Variants in PCDHGA5 observed in about 807,000 individuals in gnomAD.
The protein encoded by PCDHGA5 is protocadherin gamma subfamily A, 5.
Under a neutral mutation model 56.7 loss-of-function variants are expected in PCDHGA5, and 36 were observed. The observed-to-expected ratio is 0.64, with a 90% CI of 0.49 to 0.84. The LOEUF is 0.84. Ranked by LOEUF, PCDHGA5 falls within the 40% of genes least tolerant of loss-of-function variation. PCDHGA5 has a pLI of 0.00. For synonymous variants in PCDHGA5, 563 were observed against 520.2 expected, an observed-to-expected ratio of 1.08 and a Z score of -1.12; for missense variants, 1,305 against 1,201.5, an observed-to-expected ratio of 1.09 and a Z score of -1.27.
chr5:141,382,729 A>G, intron 1 of PCDHGA5: 1 of 548,650 alleles, frequency 1.8e-6, no homozygotes, highest in Non-Finnish European at 3.1e-6. Flanking sequence ...GTTTTACAGC[A>G]CAGAGAAACG....
In PCDHGA5 at chr5:141,403,112, C is replaced by CT. The variant is rs765071462; in HGVS notation, c.2421+36362dup. The CT allele has an allele frequency of 3.1e-6, 5 of 1,614,074 alleles. No individual in the cohort carries two copies. In the South Asian group the frequency reaches 5.5e-5, roughly 18 times the overall value. On this transcript the variant is annotated intron_variant, in intron 1 of 3. Transcript: ENST00000518069. Reference sequence around the variant, plus strand: ...GGGCAACATCTCCAAGGACCTGGCTCTGGAGCCCCGGGAGCTGGCGGAGCG... The same window carrying CT: ...GGGCAACATCTCCAAGGACCTGGCTCTTGGAGCCCCGGGAGCTGGCGGAGCG...
At chr5:141,450,134 G>A (rs1267554616) in intron 1 of PCDHGA5, among the ~76,000 whole-genome samples, 1 of 151,424 alleles carries the variant, frequency 6.6e-6, no homozygotes, top group East Asian at 2.0e-4. Context: ...AGCCTCCTGA[G>A]TAGCTGGGAC....
At chr5:141,438,334 A>G (rs756299924) in intron 1 of PCDHGA5, among the ~76,000 whole-genome samples, 6 of 151,946 alleles carry the variant, frequency 3.9e-5, no homozygotes, top group Non-Finnish European at 7.4e-5. Context: ...TATACATGTC[A>G]TATAAGGATC....
chr5:141,372,646 C>T, intron 1 of PCDHGA5: 1 of 1,614,008 alleles, frequency 6.2e-7, no homozygotes, highest in Middle Eastern at 1.6e-4. Context: ...TTGCCTTATT[C>T]CTACAATCCG....
rs1221295650 is a variant in PCDHGA5 at position 141,489,576 on chromosome 5, C to A, written c.2422-5231C>A. 3 of 1,613,936 alleles carry A rather than the reference C, an allele frequency of 1.9e-6. No individual in the cohort carries two copies. Among genetic ancestry groups the A allele is most frequent in the Non-Finnish European group, 2.5e-6 (3 of 1,179,984 alleles). ...TGCCAGTGCAGGTGGTGACTGAACA[C>A]CCCCTGGAGCTAATCCGTGTAGAGG... On this transcript the variant is annotated intron_variant, in intron 1 of 3. Transcript: ENST00000518069. This position sits in a 1 kb window ranked among gnomAD's most constrained non-coding sequence, Gnocchi z 4.5.
chr5:141,398,854 A>C, intron 1 of PCDHGA5: 1 of 1,613,984 alleles, frequency 6.2e-7, no homozygotes, highest in Non-Finnish European at 8.5e-7. Flanking sequence ...CCCGGTATTC[A>C]ACCGAGACGT....
intron 1 of PCDHGA5, chr5:141,427,796 C>A: frequency 6.7e-7 from 1 of 1,502,108 alleles, no homozygotes; most frequent in Non-Finnish European, 9.2e-7. Flanking sequence ...CCTACGTGTC[C>A]GTGAGCGCAC....
At chr5:141,397,699 C>A (rs1304915257) in intron 1 of PCDHGA5, among the ~76,000 whole-genome samples, 1 of 152,158 alleles carries the variant, frequency 6.6e-6, no homozygotes, top group Non-Finnish European at 1.5e-5. Flanking sequence ...AAAAACCCAA[C>A]GTGATATTTC....
Position 141,476,075 on chromosome 5 carries a change from G to T in PCDHGA5, c.2422-18732G>T. ...TGAAAGTTTCTCAGCGAAATCTCAG[G>T]GACGATCTGGACCCCGCTGAGAGGA... On this transcript the variant is annotated intron_variant, in intron 1 of 3. Coordinates refer to ENST00000518069, the MANE Select transcript of PCDHGA5 (RefSeq NM_018918.3). This position sits in a 1 kb window ranked among gnomAD's most constrained non-coding sequence, Gnocchi z 7.6. The T allele has an allele frequency of 6.6e-7, 1 of 1,526,282 alleles. No homozygotes were observed. The highest frequency in any genetic ancestry group is 1.3e-5 in the South Asian group (1 of 78,462). The allele number at this position is 1,526,282 out of a possible 1,614,324, so 94.5% of individuals were successfully genotyped here.
intron 1 of PCDHGA5, among the ~76,000 whole-genome samples, chr5:141,426,133 G>A (rs2096916691): frequency 6.6e-6 from 1 of 152,212 alleles, no homozygotes. Context: ...GCCAAGACTT[G>A]GGCTTTCTGC....
chr5:141,431,460 A>C lies in PCDHGA5; in HGVS notation c.2422-63347A>C, dbSNP rs761879594. On this transcript the variant is annotated intron_variant, in intron 1 of 3. Coordinates refer to ENST00000518069, the MANE Select transcript of PCDHGA5 (RefSeq NM_018918.3). This position sits in a 1 kb window ranked among gnomAD's most constrained non-coding sequence, Gnocchi z 4.8. ...GCGCGCATCCGCGTGATGGTTCTGGATGCGAACGACAACGCACCAGCGTTT... is the reference window on the plus strand; with the variant it reads ...GCGCGCATCCGCGTGATGGTTCTGGCTGCGAACGACAACGCACCAGCGTTT... 8.1e-6 allele frequency: 13 copies of C among 1,613,676 alleles called. No individual in the cohort carries two copies. The highest frequency in any genetic ancestry group is 1.1e-5 in the Non-Finnish European group (13 of 1,179,984).
At chr5:141,497,849 T>G (rs1337258582) in intron 2 of PCDHGA5, among the ~76,000 whole-genome samples, 1 of 152,192 alleles carries the variant, frequency 6.6e-6, no homozygotes, top group African/African-American at 2.4e-5. Flanking sequence ...ACAAACATTT[T>G]TGATTCAGCG....
rs375228847 is a variant in PCDHGA5, at chr5:141,431,219, C to G, written c.2422-63588C>G. ...TGCAGCCACTGAGATGCGGTTCCCTCTACCCCACGCCTGGGATCCGGATAT... is the reference window on the plus strand; with the variant it reads ...TGCAGCCACTGAGATGCGGTTCCCTGTACCCCACGCCTGGGATCCGGATAT... On this transcript the variant is annotated intron_variant, in intron 1 of 3. Coordinates refer to ENST00000518069, the MANE Select transcript of PCDHGA5 (RefSeq NM_018918.3). This position sits in a 1 kb window ranked among gnomAD's most constrained non-coding sequence, Gnocchi z 4.8. 2.5e-6 allele frequency: 4 copies of G among 1,614,180 alleles called. No individual in the cohort carries two copies. The highest frequency in any genetic ancestry group is 1.6e-4 in the Middle Eastern group (1 of 6,062).
intron 3 of PCDHGA5, among the ~76,000 whole-genome samples, chr5:141,505,720 G>A (rs1251781594): frequency 2.2e-4 from 34 of 152,212 alleles, no homozygotes; most frequent in Non-Finnish European, 2.9e-5. Context: ...GACTCATGGA[G>A]GGAATAGTGG....
At chr5:141,435,954 G>A (rs1163590812) in intron 1 of PCDHGA5, among the ~76,000 whole-genome samples, 2 of 152,092 alleles carry the variant, frequency 1.3e-5, no homozygotes, top group African/African-American at 2.4e-5. Flanking sequence ...AAAAAAGGGG[G>A]CAAAATATAG....
In PCDHGA5 at chr5:141,366,746, G is replaced by A. The variant is rs750528287; in HGVS notation, c.2416G>A (p.Val806Ile). The part of the protein sequence containing the change: ...KVDANKEERR[V>I]QQAPPNTDWR... ...AGATGCAAACAAAGAAGAACGGCGA[G>A]TTCAGGTTAGTTTTCTCTTTCGGTA... The change falls in exon 1 of 4, where the codon GTT becomes ATT. Residue 806 changes from valine (V) to isoleucine (I), a missense_variant. Coordinates refer to ENST00000518069, the MANE Select transcript of PCDHGA5 (RefSeq NM_018918.3). 1.9e-6 allele frequency: 3 copies of A among 1,609,646 alleles called. No homozygotes were observed. The highest frequency in any genetic ancestry group is 2.5e-6 in the Non-Finnish European group (3 of 1,176,814).
chr5:141,445,708 G>A (rs2098475030), intron 1 of PCDHGA5, among the ~76,000 whole-genome samples: 1 of 152,168 alleles, frequency 6.6e-6, no homozygotes, highest in African/African-American at 2.4e-5. Flanking sequence ...AAATTGTCAG[G>A]CAGAGGAAAT....
chr5:141,487,004 C>G lies in PCDHGA5; in HGVS notation c.2422-7803C>G. 1 of 1,614,224 alleles carries G rather than the reference C, an allele frequency of 6.2e-7. No homozygotes were observed. The highest frequency in any genetic ancestry group is 1.1e-5 in the South Asian group (1 of 91,086). On this transcript the variant is annotated intron_variant, in intron 1 of 3. Transcript: ENST00000518069. This position sits in a 1 kb window ranked among gnomAD's most constrained non-coding sequence, Gnocchi z 5.0. ...CAATGCTTGGGTTTCCTATCAGCTC[C>G]TGGAGGCCCCAGATCCCAGCCTGTT...
intron 1 of PCDHGA5, chr5:141,382,754 G>A: frequency 1.6e-6 from 1 of 636,380 alleles, no homozygotes; most frequent in East Asian, 2.7e-5. Context: ...ATTGCGATAA[G>A]CCCTCTTCCA....
Sources: allele counts gnomAD v4.1 joint callset (sites outside exome capture counted in the v4.1 genomes callset), GRCh38; gene constraint gnomAD v4.1.1; non-coding constraint Gnocchi (gnomAD v3.1); transcripts MANE v1.5; gene names NCBI Gene and HGNC (gene_info 2026-07-23, HGNC 2026-07-21).